The following SPOCK3 variants were observed in gnomAD, a reference collection of about 807,000 sequenced individuals.
The protein encoded by SPOCK3 is SPARC (osteonectin), cwcv and kazal like domains proteoglycan 3, also known as testican-3.
In SPOCK3, 30 loss-of-function variants were observed where a neutral mutation model predicts 56.6. That is an observed-to-expected ratio of 0.53 (90% CI 0.40 to 0.72). SPOCK3 has a LOEUF of 0.72. Among genes scored for constraint, SPOCK3 ranks in the 30% least tolerant of loss-of-function variants. SPOCK3 has a pLI of 0.00. For missense variants in SPOCK3, 527 were observed against 530.0 expected (o/e 0.99, Z 0.06); for synonymous variants, 196 against 183.3 (o/e 1.07, Z -0.56).
chr4:167,180,374 C>A (rs138063313), intron 2 of SPOCK3, among the ~76,000 whole-genome samples: 53 of 152,238 alleles, frequency 3.5e-4, no homozygotes, highest in Middle Eastern at 6.8e-3. Context: ...CCAAAAGCAG[C>A]GGCTGTCATG....
chr4:167,174,265 T>A (rs902229520), intron 2 of SPOCK3, among the ~76,000 whole-genome samples: 13 of 152,020 alleles, frequency 8.6e-5, no homozygotes, highest in African/African-American at 3.1e-4. Context: ...TATTAAAAAA[T>A]TTTTAAAATC....
intron 2 of SPOCK3, among the ~76,000 whole-genome samples, chr4:167,109,467 TATA>T (rs1760686329): frequency 9.2e-6 from 1 of 108,982 alleles, no homozygotes; most frequent in African/African-American, 3.4e-5. Flanking sequence ...CATATATAGT[TATA>T]ATATATTTAT....
intron 6 of SPOCK3, among the ~76,000 whole-genome samples, chr4:166,808,183 CTTTG>C (rs886631437): frequency 1.3e-3 from 203 of 152,002 alleles, no homozygotes; most frequent in African/African-American, 4.5e-3. Flanking sequence ...GTTTTTGTTT[CTTTG>C]TTTGTGTGAT....
At chr4:167,094,444 G>A (rs1011842800) in intron 2 of SPOCK3, among the ~76,000 whole-genome samples, 22 of 151,592 alleles carry the variant, frequency 1.5e-4, no homozygotes, top group African/African-American at 4.6e-4. Context: ...ATTTATTCTG[G>A]GTATACAAGC....
intron 3 of SPOCK3, among the ~76,000 whole-genome samples, chr4:167,011,610 C>T (rs1045276599): frequency 2.0e-5 from 3 of 152,040 alleles, no homozygotes; most frequent in African/African-American, 7.2e-5. Flanking sequence ...GCTTTAAATG[C>T]TATGTCCTTT....
chr4:167,167,812 C>T (rs1361931436), intron 2 of SPOCK3, among the ~76,000 whole-genome samples: 5 of 152,070 alleles, frequency 3.3e-5, no homozygotes, highest in Non-Finnish European at 5.9e-5. Flanking sequence ...CTGTTCATAT[C>T]GGTACCTTTA....
At chr4:166,953,836 C>T (rs1292379014) in intron 4 of SPOCK3, among the ~76,000 whole-genome samples, 1 of 151,692 alleles carries the variant, frequency 6.6e-6, no homozygotes, top group South Asian at 2.1e-4. Context: ...ATCGTAAGAA[C>T]AAAAAACCAA....
intron 7 of SPOCK3, among the ~76,000 whole-genome samples, chr4:166,786,199 A>T (rs1740713417): frequency 6.6e-6 from 1 of 152,128 alleles, no homozygotes; most frequent in Admixed American, 6.6e-5. Context: ...CCATACAGAT[A>T]CCTGGGGGAA....
chr4:167,046,450 C>CTTTTTTTTTTTTTTT (rs67108499), intron 3 of SPOCK3, among the ~76,000 whole-genome samples: 1 of 53,704 alleles, frequency 1.9e-5, no homozygotes, highest in African/African-American at 7.9e-5. Flanking sequence ...TTCTGATATT[C>CTTTTTTTTTTTTTTT]TTTTTTTTTT....
intron 6 of SPOCK3, among the ~76,000 whole-genome samples, chr4:166,843,975 C>T (rs1376466036): frequency 2.6e-5 from 4 of 152,270 alleles, no homozygotes; most frequent in East Asian, 1.9e-4. Flanking sequence ...GATTACGTTG[C>T]GCTAATGACC....
intron 2 of SPOCK3, among the ~76,000 whole-genome samples, chr4:167,114,113 T>C (rs1761136307): frequency 6.6e-6 from 1 of 152,110 alleles, no homozygotes. Flanking sequence ...AATACCAGAC[T>C]AGCTTATAGC....
At chr4:166,884,302 A>G (rs1240582669) in intron 6 of SPOCK3, among the ~76,000 whole-genome samples, 2 of 151,868 alleles carry the variant, frequency 1.3e-5, no homozygotes, top group Non-Finnish European at 2.9e-5. Flanking sequence ...GCAGTGAGCC[A>G]AGATAGCGCC....
intron 3 of SPOCK3, among the ~76,000 whole-genome samples, chr4:167,048,574 G>A (rs1014174607): frequency 6.6e-6 from 1 of 152,064 alleles, no homozygotes; most frequent in Non-Finnish European, 1.5e-5. Flanking sequence ...TTAGAAAAAC[G>A]TATTTTCAGC....
intron 6 of SPOCK3, among the ~76,000 whole-genome samples, chr4:166,860,624 C>T (rs1251263611): frequency 1.3e-5 from 2 of 151,410 alleles, no homozygotes; most frequent in Non-Finnish European, 2.9e-5. Context: ...ATCATACACA[C>T]ATTCAATAAA....
chr4:167,221,576 C>T (rs1276657363), intron 2 of SPOCK3, among the ~76,000 whole-genome samples: 1 of 152,094 alleles, frequency 6.6e-6, no homozygotes, highest in East Asian at 1.9e-4. Flanking sequence ...ATAATCTCTA[C>T]TTTTATGATT....
chr4:167,207,908 C>T (rs1048203371), intron 2 of SPOCK3, among the ~76,000 whole-genome samples: 6 of 152,184 alleles, frequency 3.9e-5, no homozygotes, highest in Admixed American at 2.6e-4. Context: ...ATTGTCTCTG[C>T]TAACCAAGAA....
intron 2 of SPOCK3, among the ~76,000 whole-genome samples, chr4:167,070,832 T>C (rs1213740699): frequency 6.6e-6 from 1 of 151,990 alleles, no homozygotes; most frequent in Non-Finnish European, 1.5e-5. Context: ...GGTAAAGCTT[T>C]GTCTGGGTAT....
At chr4:166,938,977 A>ACT (rs1453381516) in intron 4 of SPOCK3, among the ~76,000 whole-genome samples, 40 of 151,898 alleles carry the variant, frequency 2.6e-4, no homozygotes, top group Middle Eastern at 3.4e-3. Flanking sequence ...ACACACACAC[A>ACT]CACAGATTCT....
At chr4:167,027,668 A>C (rs2150174391) in intron 3 of SPOCK3, among the ~76,000 whole-genome samples, 1 of 152,176 alleles carries the variant, frequency 6.6e-6, no homozygotes, top group Non-Finnish European at 1.5e-5. Context: ...CTTTTTCTAT[A>C]TTTCTACAGT....
Sources: allele counts gnomAD v4.1 joint callset (sites outside exome capture counted in the v4.1 genomes callset), GRCh38; gene constraint gnomAD v4.1.1; transcripts MANE v1.5; gene names NCBI Gene and HGNC (gene_info 2026-07-23, HGNC 2026-07-21).